The following KDM5A variants were observed in gnomAD, a reference collection of about 807,000 sequenced individuals.
KDM5A encodes the protein lysine demethylase 5A.
A neutral mutation model predicts 193.5 loss-of-function variants in KDM5A; 42 were observed. The ratio of observed to expected loss-of-function variants is 0.22; its 90% CI spans 0.17 to 0.28. The LOEUF (loss-of-function observed/expected upper bound fraction) is 0.28. Ranked by LOEUF, KDM5A falls within the 10% of genes least tolerant of loss-of-function variation. The probability of loss-of-function intolerance (pLI) is 1.00; values close to 1 mark genes in which losing one functional copy is unlikely to be tolerated. For missense variants in KDM5A, 1,692 were observed against 2,055.1 expected (o/e 0.82, Z 3.42); for synonymous variants, 796 against 718.1 (o/e 1.11, Z -1.73).
At position 389,048 on chromosome 12, in the gene KDM5A, G is replaced by T. The variant is rs1591947542; in HGVS notation, c.44C>A (p.Pro15Gln). Reference sequence around the variant, plus strand: ...CTCAAAGACGGGGCACTCTGGCGGTGGCACGAACTCCGCCGCGTAGCCCCC... The same window carrying T: ...CTCAAAGACGGGGCACTCTGGCGGTTGCACGAACTCCGCCGCGTAGCCCCC... ...GPGGYAAEFV[P>Q]PPECPVFEPS... Residue 15 changes from proline (P) to glutamine (Q), a missense_variant, in exon 1 of 28, where the codon CCA becomes CAA. Coordinates refer to ENST00000399788, the MANE Select transcript of KDM5A (RefSeq NM_001042603.3). The T allele has an allele frequency of 6.2e-7, 1 of 1,613,428 alleles. No homozygotes were observed. Among genetic ancestry groups the T allele is most frequent in the South Asian group, 1.1e-5 (1 of 91,052 alleles).
intron 19 of KDM5A, among the ~76,000 whole-genome samples, chr12:314,227 T>A (rs898481178): frequency 1.3e-5 from 2 of 152,202 alleles, no homozygotes; most frequent in Non-Finnish European, 2.9e-5. Flanking sequence ...TTTTTGAGTC[T>A]CGGGGTCACC....
At position 363,057 on chromosome 12, in the gene KDM5A, T is replaced by C. The variant is rs1364182453; in HGVS notation, c.578A>G (p.Glu193Gly). Residue 193 changes from glutamate to glycine, a missense_variant, in exon 5 of 28, where the codon GAG becomes GGG. Physicochemically the swap from Glu to Gly is moderately conservative, Grantham distance 98. Around this residue, in one of 11 missense-constraint regions of KDM5A, gnomAD observed 120 missense variants for 172.0 expected, o/e 0.70. Transcript: ENST00000399788. ...MPNLDLKEKV[E>G]PEVLSTDTQT... The stretch of plus-strand genomic sequence containing the variant: ...GGTATCAGTGCTGAGAACCTCAGGC[T>C]CCACTTTTTCTTTAAGATCTAAATT... 1.2e-6 allele frequency: 2 copies of C among 1,613,998 alleles called. No homozygotes were observed. The highest frequency in any genetic ancestry group is 3.3e-5 in the Admixed American group (2 of 60,020).
At chr12:388,828 C>T in intron 1 of KDM5A, 99 bp downstream of exon 1, 3 of 1,379,158 alleles carry the variant, frequency 2.2e-6, no homozygotes, top group Admixed American at 3.4e-5. Context: ...AAAGAGAGTA[C>T]ATATGAAACG....
At chr12:388,062 G>A (rs1165116316) in intron 1 of KDM5A, among the ~76,000 whole-genome samples, 1 of 152,094 alleles carries the variant, frequency 6.6e-6, no homozygotes, top group Non-Finnish European at 1.5e-5. Context: ...CAAGACTAGA[G>A]ATCTGCATTT....
chr12:353,989 A>T (rs1290845621), intron 8 of KDM5A, 87 bp downstream of exon 8: 2 of 1,032,134 alleles, frequency 1.9e-6, no homozygotes, highest in East Asian at 4.9e-5. Flanking sequence ...AAAAGGAAAC[A>T]TATTTGGGAA....
intron 27 of KDM5A, among the ~76,000 whole-genome samples, chr12:290,613 G>C (rs569419889): frequency 6.6e-6 from 1 of 152,048 alleles, no homozygotes; most frequent in East Asian, 1.9e-4. Flanking sequence ...CACTTACGTT[G>C]CATTTTTTGG....
At chr12:302,414 T>C (rs1481156598) in intron 24 of KDM5A, among the ~76,000 whole-genome samples, 1 of 151,660 alleles carries the variant, frequency 6.6e-6, no homozygotes, top group African/African-American at 2.4e-5. Flanking sequence ...CAAAAAGAAA[T>C]GGGGAAAGGA....
Position 334,441 on chromosome 12 carries a change from CTG to C in KDM5A, c.1309-21_1309-20del, listed in dbSNP as rs754179051. ...CATATTCCTATAAGAGAAGAAAAAA[CTG>C]TAAATGAAAGATCAGAAATGAAAAG... is the stretch of plus-strand genomic sequence containing the variant. On this transcript the variant is annotated intron_variant, in intron 10 of 27. Coordinates refer to ENST00000399788, the MANE Select transcript of KDM5A (RefSeq NM_001042603.3). 6.2e-7 allele frequency: 1 copy of C among 1,603,806 alleles called. No individual in the cohort carries two copies. The highest frequency in any genetic ancestry group is 1.1e-5 in the South Asian group (1 of 90,850).
At chr12:357,855 G>A (rs1452810905) in intron 5 of KDM5A, among the ~76,000 whole-genome samples, 2,154 of 28,902 alleles carry the variant, frequency 0.075, no homozygotes, top group Non-Finnish European at 0.11. Flanking sequence ...AAAAAAAAAA[G>A]CCCTTTTGCC....
rs567031484 is a variant in KDM5A, at chr12:306,508, C to A, written c.4074+438G>T. 3.6e-4 allele frequency among the ~76,000 whole-genome samples: 55 copies of A among 152,054 alleles called. 1 individual carries two copies. The highest frequency in any genetic ancestry group is 7.2e-4 in the Non-Finnish European group (49 of 67,964). ...CTGTTATCCCAGCACTTTGGGAGGC[C>A]GAGGCAGGCAGGTCACTTCAGGTCA... On this transcript the variant is annotated intron_variant, in intron 24 of 27. Coordinates refer to ENST00000399788, the MANE Select transcript of KDM5A (RefSeq NM_001042603.3).
At chr12:315,881 A>G (rs1565531304) in intron 19 of KDM5A, among the ~76,000 whole-genome samples, 1 of 152,244 alleles carries the variant, frequency 6.6e-6, no homozygotes, top group Admixed American at 6.5e-5. Context: ...CTGGAATCTA[A>G]CAGGCGGATG....
chr12:361,319 C>T (rs944840590), intron 5 of KDM5A, among the ~76,000 whole-genome samples: 4 of 151,994 alleles, frequency 2.6e-5, no homozygotes, highest in Admixed American at 6.6e-5. Context: ...CTTAGCCTCC[C>T]GAGTAGCTGG....
chr12:356,743 A>G (rs535660854), intron 5 of KDM5A, among the ~76,000 whole-genome samples: 4 of 152,346 alleles, frequency 2.6e-5, no homozygotes, highest in Admixed American at 2.6e-4. Context: ...TCCACAAAAT[A>G]AAACTCGTGT....
Position 280,452 on chromosome 12 carries a change from T to C in KDM5A, c.*5004A>G. ...TTCCCAAGAGGTAATCAGATTCCCC[T>C]CCCTGCCCCCGCTCTTTCAACCAAC... On this transcript the variant is annotated 3_prime_UTR_variant, in exon 28 of 28. Transcript: ENST00000399788. The C allele has an allele frequency of 4.3e-6, 1 of 233,052 alleles. No individual in the cohort carries two copies. The allele number at this position is 233,052 out of a possible 1,614,324, so 14.4% of individuals were successfully genotyped here. A position where few individuals can be genotyped will look rare whatever the true frequency, so the allele number is the denominator to read the frequency against.
In KDM5A at chr12:318,314, C is replaced by T; in HGVS notation, c.2689G>A (p.Glu897Lys). The part of the protein sequence containing the change: ...ELPELPRLKQ[E>K]LQQARWLDEV... The stretch of plus-strand genomic sequence containing the variant: ...TCCAACCACCGAGCCTGTTGTAGCT[C>T]TTGCTTCAGTCGTGGTAATTCAGGG... The change falls in exon 19 of 28, where the codon GAG (glutamate) becomes AAG (lysine). Residue 897 changes from glutamate (E) to lysine (K), a missense_variant. Around this residue, in one of 11 missense-constraint regions of KDM5A, gnomAD observed 965 missense variants for 1,061.0 expected, o/e 0.91. Transcript: ENST00000399788. 1 of 1,614,196 alleles carries T rather than the reference C, an allele frequency of 6.2e-7. No homozygotes were observed.
Position 322,537 on chromosome 12 carries a change from T to A in KDM5A, c.2306A>T (p.Asp769Val). 1 of 1,612,976 alleles carries A rather than the reference T, an allele frequency of 6.2e-7. No homozygotes were observed. Among genetic ancestry groups the A allele is most frequent in the Non-Finnish European group, 8.5e-7 (1 of 1,179,322 alleles). Residue 769 changes from aspartate (D) to valine (V), a missense_variant, in exon 17 of 28, where the codon GAT (aspartate) becomes GTT (valine). Around this residue, in one of 11 missense-constraint regions of KDM5A, gnomAD observed 965 missense variants for 1,061.0 expected, o/e 0.91. Transcript: ENST00000399788. ...DLIELRVMLE[D>V]AEDRKYPEND... ...CTCTGGGTATTTCCTATCCTCAGCA[T>A]CTTCCAGCATTACTCGCAATTCAAT...
chr12:315,539 C>T (rs764056538), intron 19 of KDM5A, among the ~76,000 whole-genome samples: 29 of 151,968 alleles, frequency 1.9e-4, no homozygotes, highest in Non-Finnish European at 3.7e-4. Flanking sequence ...GGCACCATTG[C>T]ACACCCCAGC....
chr12:310,737 C>T (rs1943574159), intron 21 of KDM5A, 148 bp downstream of exon 21: 3 of 929,754 alleles, frequency 3.2e-6, no homozygotes, highest in Middle Eastern at 3.2e-4. Flanking sequence ...ATGAATCTGC[C>T]CAAGGTTCCA....
At chr12:315,941 A>G (rs1448252144) in intron 19 of KDM5A, among the ~76,000 whole-genome samples, 4 of 152,216 alleles carry the variant, frequency 2.6e-5, no homozygotes, top group Non-Finnish European at 1.5e-5. Flanking sequence ...GGAGTTACTC[A>G]GTATAAAGAA....
Sources: allele counts gnomAD v4.1 joint callset (sites outside exome capture counted in the v4.1 genomes callset), GRCh38; gene constraint gnomAD v4.1.1; regional missense constraint gnomAD v4.1.1; transcripts MANE v1.5; gene names NCBI Gene and HGNC (gene_info 2026-07-23, HGNC 2026-07-21).